CHRM5: variants seen among roughly 807,000 people sequenced by gnomAD.
The protein encoded by CHRM5 is cholinergic receptor muscarinic 5.
In CHRM5, 18 loss-of-function variants were observed where a neutral mutation model predicts 39.0. The observed-to-expected ratio is 0.46, with a 90% confidence interval of 0.32 to 0.68. CHRM5 has a LOEUF of 0.68. Among genes scored for constraint, CHRM5 ranks in the 30% least tolerant of loss-of-function variants. CHRM5 has a pLI of 0.04. For missense variants in CHRM5, 515 were observed against 651.1 expected (o/e 0.79, Z 2.28); for synonymous variants, 241 against 246.3 (o/e 0.98, Z 0.20).
rs66519745 is a variant in CHRM5, at chr15:34,029,517, C to CAAA, written c.-407-17001_-407-16999dup. Among the ~76,000 whole-genome samples the CAAA allele has an allele frequency of 9.4e-4, 111 of 118,560 alleles. No homozygotes were observed. In the South Asian group the frequency reaches 0.011, roughly 12 times the overall value. 77.8% of individuals were successfully genotyped at this position (118,560 alleles called of 152,430 possible). On this transcript the variant is annotated intron_variant, in intron 1 of 2. Transcript: ENST00000383263. The stretch of plus-strand genomic sequence containing the variant: ...GCAACATAGGTAGACCCTATTTCTA[C>CAAA]AAAAAAAAAAAAAAAAAAAAAAAAT...
rs749287251 is a variant in CHRM5, at chr15:34,064,265, GAA to G, written c.1553_1554del (p.Lys518SerfsTer26). 40 of 1,611,642 alleles carry G rather than the reference GAA, an allele frequency of 2.5e-5. 1 individual carries two copies. The Admixed American group carries it at 6.3e-4, about 25-fold the overall frequency. The part of the protein sequence containing the change: ...KMLLLCRWKK[K>X]KVEEKLYWQG... ...TGCTGCTTCTCTGCCGATGGAAAAAGAAAAAAGTGGAAGAGAAGTTGTACTGG... is the reference window on the plus strand; with the variant it reads ...TGCTGCTTCTCTGCCGATGGAAAAAGAAAAGTGGAAGAGAAGTTGTACTGG... On this transcript the variant is annotated frameshift_variant, in exon 3 of 3. Transcript: ENST00000383263. LOFTEE classifies it high-confidence loss of function.
At chr15:34,040,127 C>T (rs556821462) in intron 1 of CHRM5, among the ~76,000 whole-genome samples, 4 of 152,222 alleles carry the variant, frequency 2.6e-5, no homozygotes, top group Admixed American at 2.0e-4. Flanking sequence ...ATTGCCTACT[C>T]TGCATCAGGC....
At chr15:33,987,577 G>GT (rs965594203) in intron 1 of CHRM5, among the ~76,000 whole-genome samples, 14 of 152,126 alleles carry the variant, frequency 9.2e-5, no homozygotes, top group Admixed American at 4.6e-4. Flanking sequence ...GCGAACAATG[G>GT]TTTTTTTCTC....
chr15:34,037,126 T>A (rs11856633), intron 1 of CHRM5, among the ~76,000 whole-genome samples: 37 of 135,742 alleles, frequency 2.7e-4, no homozygotes, highest in African/African-American at 1.2e-3. Flanking sequence ...AAAAAAAAAA[T>A]ATATACCATC....
rs373285133 is a variant in CHRM5, at chr15:33,983,128, CTGTGTGTGTG to C, written c.-408+14000_-408+14009del. 2.8e-3 allele frequency among the ~76,000 whole-genome samples: 382 copies of C among 135,154 alleles called. 4 individuals carry two copies. The highest frequency in any genetic ancestry group is 7.8e-3 in the Middle Eastern group (2 of 258). 88.7% of individuals were successfully genotyped at this position (135,154 alleles called of 152,430 possible). Reference sequence around the variant, plus strand: ...AACCATATACATATATGTCCATACTCTGTGTGTGTGTGTGTGTGTGTGTGTGTGTGTATGT... The same window carrying C: ...AACCATATACATATATGTCCATACTCTGTGTGTGTGTGTGTGTGTGTATGT... On this transcript the variant is annotated intron_variant, in intron 1 of 2. Coordinates refer to ENST00000383263, the MANE Select transcript of CHRM5 (RefSeq NM_012125.4).
chr15:33,976,292 A>G (rs1296174146), intron 1 of CHRM5, among the ~76,000 whole-genome samples: 2 of 152,206 alleles, frequency 1.3e-5, no homozygotes, highest in African/African-American at 2.4e-5. Flanking sequence ...AGGAATTCTC[A>G]TAACTATTCA....
At chr15:34,035,615 T>C (rs1023477886) in intron 1 of CHRM5, among the ~76,000 whole-genome samples, 9 of 152,182 alleles carry the variant, frequency 5.9e-5, no homozygotes, top group African/African-American at 2.2e-4. Flanking sequence ...TGTCTCATCT[T>C]ATATTAAGTA....
chr15:34,039,921 A>T (rs532803036), intron 1 of CHRM5, among the ~76,000 whole-genome samples: 1 of 152,318 alleles, frequency 6.6e-6, no homozygotes, highest in African/African-American at 2.4e-5. Flanking sequence ...TCTTTCAACC[A>T]AGGAGAAAAC....
intron 1 of CHRM5, among the ~76,000 whole-genome samples, chr15:34,009,806 T>TA (rs562145770): frequency 2.7e-4 from 41 of 151,900 alleles, no homozygotes; most frequent in Non-Finnish European, 4.9e-4. Flanking sequence ...CTGAGCAACA[T>TA]AGAGAGCATT....
At chr15:34,027,028 T>C (rs1898509711) in intron 1 of CHRM5, among the ~76,000 whole-genome samples, 1 of 149,120 alleles carries the variant, frequency 6.7e-6, no homozygotes, top group Non-Finnish European at 1.5e-5. Flanking sequence ...TCCAGAATGA[T>C]AAAGACCTCT....
chr15:34,041,463 A>G (rs1004197063), intron 1 of CHRM5, among the ~76,000 whole-genome samples: 1 of 152,210 alleles, frequency 6.6e-6, no homozygotes, highest in African/African-American at 2.4e-5. Context: ...CCAGTGGGAA[A>G]TAGGGCTTTA....
chr15:34,013,285 C>T (rs1303515916), intron 1 of CHRM5, among the ~76,000 whole-genome samples: 1 of 152,200 alleles, frequency 6.6e-6, no homozygotes, highest in Non-Finnish European at 1.5e-5. Flanking sequence ...TGGTCTCAAA[C>T]TCCTGATCTC....
chr15:34,015,498 T>A (rs28441662), intron 1 of CHRM5, among the ~76,000 whole-genome samples: 9 of 150,502 alleles, frequency 6.0e-5, no homozygotes, highest in African/African-American at 2.0e-4. Context: ...TAAAAAAAAA[T>A]AAAAAAATTC....
chr15:34,039,091 G>A, intron 1 of CHRM5: 1 of 1,072,244 alleles, frequency 9.3e-7, no homozygotes, highest in Non-Finnish European at 1.1e-6. Context: ...CCGAGCTGCG[G>A]CGGAGACGCC....
chr15:33,987,689 T>C (rs1013615604), intron 1 of CHRM5, among the ~76,000 whole-genome samples: 12 of 152,182 alleles, frequency 7.9e-5, no homozygotes, highest in African/African-American at 2.4e-4. Flanking sequence ...TATTTATCTC[T>C]CTCTTTCTCT....
chr15:33,986,831 G>T (rs936063732), intron 1 of CHRM5, among the ~76,000 whole-genome samples: 1 of 151,930 alleles, frequency 6.6e-6, no homozygotes, highest in African/African-American at 2.4e-5. Context: ...TAATTGTTTT[G>T]TATTTTTAGT....
chr15:34,020,672 G>C (rs543940728), intron 1 of CHRM5, among the ~76,000 whole-genome samples: 1 of 152,132 alleles, frequency 6.6e-6, no homozygotes, highest in Non-Finnish European at 1.5e-5. Context: ...CTTCATAAAA[G>C]CTCCTCATAT....
At chr15:34,002,413 G>T (rs1388604396) in intron 1 of CHRM5, among the ~76,000 whole-genome samples, 1 of 150,952 alleles carries the variant, frequency 6.6e-6, no homozygotes, top group Non-Finnish European at 1.5e-5. Context: ...GGACCCTGCA[G>T]CCATCTGTAC....
intron 1 of CHRM5, among the ~76,000 whole-genome samples, chr15:33,994,489 T>C (rs1021784428): frequency 7.2e-5 from 11 of 152,198 alleles, no homozygotes; most frequent in Admixed American, 2.6e-4. Context: ...CACGCTTGAA[T>C]CATCCTGAAA....
Sources: allele counts gnomAD v4.1 joint callset (sites outside exome capture counted in the v4.1 genomes callset), GRCh38; gene constraint gnomAD v4.1.1; transcripts MANE v1.5; gene names NCBI Gene and HGNC (gene_info 2026-07-23, HGNC 2026-07-21).